Variants in UTRN observed in about 807,000 individuals in gnomAD.
The protein encoded by UTRN is utrophin.
A neutral mutation model predicts 463.9 loss-of-function variants in UTRN; 283 were observed. That is an observed-to-expected ratio of 0.61 (90% confidence interval 0.55 to 0.67). UTRN has a LOEUF of 0.67. Ranked by LOEUF, UTRN falls within the 30% of genes least tolerant of loss-of-function variation. The pLI, the probability that UTRN is intolerant of heterozygous loss-of-function variation, is 0.00. For missense variants in UTRN, 3,922 were observed against 4,084.3 expected (o/e 0.96, Z 1.08); for synonymous variants, 1,442 against 1,431.5 (o/e 1.01, Z -0.17).
intron 29 of UTRN, among the ~76,000 whole-genome samples, 158 bp from the exon 30 acceptor site, chr6:144,488,515 A>G (rs1233898504): frequency 1.3e-5 from 2 of 152,260 alleles, no homozygotes; most frequent in East Asian, 3.9e-4. Context: ...CTAGTGGGAC[A>G]TTTTCACTGT....
intron 68 of UTRN, among the ~76,000 whole-genome samples, chr6:144,827,916 A>G (rs1020976403): frequency 4.6e-5 from 7 of 152,216 alleles, no homozygotes; most frequent in Non-Finnish European, 8.8e-5. Context: ...CCAGCTAATG[A>G]GAATCCAAAC....
At chr6:144,533,022 A>T (rs1797202918) in intron 42 of UTRN, 63 bp from the exon 43 acceptor site, 3 of 858,404 alleles carry the variant, frequency 3.5e-6, no homozygotes, top group Admixed American at 4.5e-5. Context: ...ACTTGGGTGG[A>T]TTCATTGCAT....
intron 64 of UTRN, among the ~76,000 whole-genome samples, chr6:144,798,490 T>G (rs567166561): frequency 3.3e-5 from 5 of 152,240 alleles, no homozygotes; most frequent in Non-Finnish European, 7.3e-5. Context: ...CATACTTTAA[T>G]GTAATCAGTG....
chr6:144,567,846 T>C (rs1562585110), intron 50 of UTRN, among the ~76,000 whole-genome samples: 1 of 152,174 alleles, frequency 6.6e-6, no homozygotes, highest in African/African-American at 2.4e-5. Context: ...TTAAACTCTT[T>C]AAAAAGAGAG....
intron 53 of UTRN, among the ~76,000 whole-genome samples, chr6:144,703,640 G>A (rs867082898): frequency 3.9e-5 from 6 of 152,156 alleles, no homozygotes; most frequent in African/African-American, 1.2e-4. Flanking sequence ...GAAGGAGGGC[G>A]TGATCACAAG....
chr6:144,690,713 C>T (rs1783310623), intron 52 of UTRN, among the ~76,000 whole-genome samples: 1 of 152,150 alleles, frequency 6.6e-6, no homozygotes, highest in Non-Finnish European at 1.5e-5. Flanking sequence ...ACAGCACATC[C>T]CGATGTGGTT....
chr6:144,668,038 G>T (rs1207217143), intron 51 of UTRN, among the ~76,000 whole-genome samples: 3 of 152,190 alleles, frequency 2.0e-5, no homozygotes, highest in Admixed American at 6.6e-5. Flanking sequence ...TAACCTCAGA[G>T]ATCAATGGGT....
chr6:144,301,549 T>C (rs1371405973), intron 2 of UTRN, among the ~76,000 whole-genome samples: 6 of 140,396 alleles, frequency 4.3e-5, no homozygotes, highest in East Asian at 2.1e-4. Flanking sequence ...TTTTTTTTTT[T>C]TTTTTTTTTT....
chr6:144,840,824 C>T lies in UTRN; in HGVS notation c.10262C>T (p.Ser3421Phe), dbSNP rs1335310282. ...GAGCAGATTCACAGCACGTTTCCAT[C>T]TTGCTGCCGTGAGTATGAAAGATTG... ...VMEQIHSTFP[S>F]CCPNVPSRPQ... Residue 3421 changes from serine to phenylalanine, a missense_variant, in exon 73 of 75, where the codon TCT becomes TTT. Physicochemically the swap from Ser to Phe is radical, Grantham distance 155 (BLOSUM62 -2). Around this residue, in one of 3 missense-constraint regions of UTRN, gnomAD observed 1,309 missense variants for 1,452.6 expected, o/e 0.90. Transcript: ENST00000367545. The T allele has an allele frequency of 6.2e-7, 1 of 1,614,030 alleles. No individual in the cohort carries two copies. Among genetic ancestry groups the T allele is most frequent in the South Asian group, 1.1e-5 (1 of 91,080 alleles).
rs769087938 is a variant in UTRN, at chr6:144,286,648, A to G, written c.-93+827A>G. Among the ~76,000 whole-genome samples the G allele has an allele frequency of 2.6e-5, 4 of 151,608 alleles. No individual in the cohort carries two copies. The highest frequency in any genetic ancestry group is 1.9e-4 in the East Asian group (1 of 5,132). ...CCACTTAAAAACCAACAAAGCACCA[A>G]TTGAAGGCTGTGCAACTTTCAGATG... On this transcript the variant is annotated intron_variant, in intron 1 of 74. Transcript: ENST00000367545. The surrounding 1 kb of genome is among the most constrained non-coding windows in gnomAD (Gnocchi z 4.4).
intron 58 of UTRN, among the ~76,000 whole-genome samples, chr6:144,771,198 G>T (rs1793961284): frequency 6.6e-6 from 1 of 152,092 alleles, no homozygotes; most frequent in African/African-American, 2.4e-5. Context: ...TTAATTTGTA[G>T]TTTCAGTTCT....
intron 34 of UTRN, among the ~76,000 whole-genome samples, chr6:144,500,325 G>T (rs190757088): frequency 6.6e-6 from 1 of 152,126 alleles, no homozygotes; most frequent in Non-Finnish European, 1.5e-5. Flanking sequence ...GTGTGAGATG[G>T]TATCTCATTG....
At chr6:144,781,244 G>A (rs1283835510) in intron 60 of UTRN, among the ~76,000 whole-genome samples, 2 of 152,182 alleles carry the variant, frequency 1.3e-5, no homozygotes, top group Non-Finnish European at 1.5e-5. Flanking sequence ...TCTGTGTCTA[G>A]AGTACTGACT....
chr6:144,532,788 T>C (rs942928528), intron 42 of UTRN, among the ~76,000 whole-genome samples: 3 of 152,244 alleles, frequency 2.0e-5, no homozygotes, highest in Admixed American at 2.0e-4. Flanking sequence ...TGATTGATGC[T>C]TATGCTTTAA....
intron 2 of UTRN, among the ~76,000 whole-genome samples, chr6:144,324,346 T>C (rs1411806719): frequency 6.6e-6 from 1 of 152,214 alleles, no homozygotes; most frequent in African/African-American, 2.4e-5. Flanking sequence ...TTACCAAGTC[T>C]AAAGTAAAAT....
intron 2 of UTRN, among the ~76,000 whole-genome samples, chr6:144,391,842 C>CG (rs1361573409): frequency 6.6e-6 from 1 of 152,164 alleles, no homozygotes; most frequent in Non-Finnish European, 1.5e-5. Context: ...AGGGTTTCAC[C>CG]TGTTAGCCAT....
At chr6:144,648,795 A>C (rs1283860319) in intron 51 of UTRN, among the ~76,000 whole-genome samples, 2 of 152,226 alleles carry the variant, frequency 1.3e-5, no homozygotes, top group Non-Finnish European at 2.9e-5. Flanking sequence ...TTTCTTTTCT[A>C]TTATGGCAAA....
chr6:144,557,700 A>G (rs563161243), intron 50 of UTRN, among the ~76,000 whole-genome samples: 1 of 152,156 alleles, frequency 6.6e-6, no homozygotes, highest in East Asian at 1.9e-4. Context: ...ATAGCGTGCT[A>G]TTTGGGTGGG....
At chr6:144,411,962 C>T (rs150461278) in intron 3 of UTRN, among the ~76,000 whole-genome samples, 100 of 152,100 alleles carry the variant, frequency 6.6e-4, no homozygotes, top group Non-Finnish European at 1.0e-3. Context: ...TTTCTGTTGT[C>T]GAGGTGTGGA....
Sources: gnomAD v4.1 joint callset for allele counts (sites outside exome capture counted in the v4.1 genomes callset) on GRCh38, gnomAD v4.1.1 for gene constraint, gnomAD v4.1.1 regional missense constraint, Gnocchi (gnomAD v3.1) non-coding constraint, MANE v1.5 for transcripts, NCBI Gene and HGNC (gene_info 2026-07-23, HGNC 2026-07-21) for gene names.